PPP6R1: variants seen among roughly 807,000 people sequenced by gnomAD.
PPP6R1 encodes the protein serine/threonine-protein phosphatase 6 regulatory subunit 1.
A neutral mutation model predicts 104.6 loss-of-function variants in PPP6R1; 39 were observed. That is an observed-to-expected ratio of 0.37 (90% confidence interval 0.29 to 0.49). PPP6R1 has a LOEUF of 0.49. Among genes scored for constraint, PPP6R1 ranks in the 20% least tolerant of loss-of-function variants. The pLI, the probability that PPP6R1 is intolerant of heterozygous loss-of-function variation, is 0.98. For missense variants in PPP6R1, 1,181 were observed against 1,155.8 expected (o/e 1.02, Z -0.32); for synonymous variants, 549 against 479.0 (o/e 1.15, Z -1.91).
intron 17 of PPP6R1, 109 bp from the exon 18 acceptor site, chr19:55,232,320 G>C (rs996119478): frequency 1.4e-6 from 2 of 1,438,880 alleles, no homozygotes; most frequent in Admixed American, 5.2e-5. Flanking sequence ...TGGGATGACA[G>C]GCAGGTCACA....
At chr19:55,242,109 G>T (rs2087463674) in intron 7 of PPP6R1, 57 bp downstream of exon 7, 1 of 1,527,374 alleles carries the variant, frequency 6.5e-7, no homozygotes. Context: ...GCCTCTGAGG[G>T]GCCGGAGAGC....
chr19:55,231,964 G>A lies in PPP6R1; in HGVS notation c.2144C>T (p.Thr715Ile). 6.3e-7 allele frequency: 1 copy of A among 1,597,758 alleles called. No homozygotes were observed. The highest frequency in any genetic ancestry group is 8.6e-7 in the Non-Finnish European group (1 of 1,169,120). Residue 715 changes from threonine to isoleucine, a missense_variant, in exon 19 of 24, where the codon ACC becomes ATC. This residue lies in a region of PPP6R1 where 1,042 missense variants were observed against 955.6 expected (regional missense o/e 1.09). Transcript: ENST00000412770. ...GGCATCTGTAGGCACTGGGTCAAAGGTGGCTGTCCAGCTGGGGCCTGGGAT... is the reference window on the plus strand; with the variant it reads ...GGCATCTGTAGGCACTGGGTCAAAGATGGCTGTCCAGCTGGGGCCTGGGAT... ...PQPPGPSWTA[T>I]FDPVPTDAPT...
rs187191628 is a variant in PPP6R1 at position 55,239,801 on chromosome 19, T to C, written c.1563+25A>G. Reference sequence around the variant, plus strand: ...CAAGAGAGAGAAGCAGCAGGAGGAGTGCAGGAAGAGAAGCTGGGCCTCACC... The same window carrying C: ...CAAGAGAGAGAAGCAGCAGGAGGAGCGCAGGAAGAGAAGCTGGGCCTCACC... On this transcript the variant is annotated intron_variant, in intron 13 of 23. Coordinates refer to ENST00000412770, the MANE Select transcript of PPP6R1 (RefSeq NM_014931.4). 463 of 1,609,642 alleles carry C rather than the reference T, an allele frequency of 2.9e-4. No homozygotes were observed. The East Asian group carries it at 4.3e-3, about 15-fold the overall frequency.
intron 5 of PPP6R1, 87 bp from the exon 6 acceptor site, chr19:55,242,575 C>A: frequency 8.7e-7 from 1 of 1,155,214 alleles, no homozygotes; most frequent in South Asian, 1.3e-5. Flanking sequence ...CATGAGCTGA[C>A]CATCCAGGGA....
At chr19:55,244,769 G>T (rs1175548601) in intron 5 of PPP6R1, among the ~76,000 whole-genome samples, 3 of 150,380 alleles carry the variant, frequency 2.0e-5, no homozygotes, top group Non-Finnish European at 4.4e-5. Flanking sequence ...TTTTGAGACA[G>T]GGTCTCACTG....
At position 55,246,980 on chromosome 19, in the gene PPP6R1, G is replaced by A. The variant is rs1045165828; in HGVS notation, c.124C>T (p.Arg42Cys). The change falls in exon 2 of 24, where the codon CGC becomes TGC. Residue 42 changes from arginine (R) to cysteine (C), a missense_variant. Physicochemically the swap from Arg to Cys is radical, Grantham distance 180 (BLOSUM62 -3). This residue lies in a region of PPP6R1 where 139 missense variants were observed against 200.1 expected (regional missense o/e 0.69). Coordinates refer to ENST00000412770, the MANE Select transcript of PPP6R1 (RefSeq NM_014931.4). Reference protein sequence around the residue: ...DVLQECKVVNRKLLDFLLQPP... With the variant: ...DVLQECKVVNCKLLDFLLQPP... ...TGCAGCAGGAAGTCCAGCAGCTTGC[G>A]GTTGACGACCTTGCACTCCTGCAGC... 6.2e-6 allele frequency: 10 copies of A among 1,613,778 alleles called. No individual in the cohort carries two copies. Among genetic ancestry groups the A allele is most frequent in the African/African-American group, 4.0e-5 (3 of 74,924 alleles).
chr19:55,237,499 C>G (rs771778678), intron 15 of PPP6R1, among the ~76,000 whole-genome samples: 4 of 152,178 alleles, frequency 2.6e-5, no homozygotes, highest in Admixed American at 6.5e-5. Flanking sequence ...CAGGGCCCCA[C>G]CTCCCTCACC....
chr19:55,239,303 G>A (rs1399777761), intron 15 of PPP6R1, 102 bp downstream of exon 15: 2 of 1,203,188 alleles, frequency 1.7e-6, no homozygotes, highest in Non-Finnish European at 2.4e-6. Flanking sequence ...TGCAGGCTGA[G>A]CCCACAGGGC....
intron 1 of PPP6R1, among the ~76,000 whole-genome samples, chr19:55,251,832 A>G (rs2087555949): frequency 6.6e-6 from 1 of 152,126 alleles, no homozygotes; most frequent in Non-Finnish European, 1.5e-5. Flanking sequence ...ATCTGGGTGT[A>G]CCTGGGACCA....
At position 55,231,919 on chromosome 19, in the gene PPP6R1, G is replaced by A. The variant is rs554583303; in HGVS notation, c.2189C>T (p.Ser730Phe). The A allele has an allele frequency of 2.5e-5, 39 of 1,553,544 alleles. No homozygotes were observed. The highest frequency in any genetic ancestry group is 1.1e-4 in the African/African-American group (8 of 73,618). The change falls in exon 19 of 24, where the codon TCC becomes TTC. Residue 730 changes from serine to phenylalanine, a missense_variant. Coordinates refer to ENST00000412770, the MANE Select transcript of PPP6R1 (RefSeq NM_014931.4). Reference protein sequence around the residue: ...PTDAPTSPRVSGEEELHTGPP... With the variant: ...PTDAPTSPRVFGEEELHTGPP... ...CCCAGTGTGCAGCTCTTCCTCCCCG[G>A]AGACTCGGGGGCTGGTCGGGGCATC...
At position 55,231,490 on chromosome 19, in the gene PPP6R1, G is replaced by C. The variant is rs748320739; in HGVS notation, c.2379C>G (p.Ala793=). The C allele has an allele frequency of 6.2e-7, 1 of 1,606,432 alleles. No homozygotes were observed. Among genetic ancestry groups the C allele is most frequent in the African/African-American group, 1.3e-5 (1 of 74,772 alleles). The change falls in exon 21 of 24, where the codon GCC becomes GCG. Residue 793 remains alanine, a splice_region_variant and synonymous_variant. Coordinates refer to ENST00000412770, the MANE Select transcript of PPP6R1 (RefSeq NM_014931.4). Reference sequence around the variant, plus strand: ...CGATGCTAACCAAGGCCTGGCAAGGGGCTGTGGGGGATAAGAGATCTCAGC... The same window carrying C: ...CGATGCTAACCAAGGCCTGGCAAGGCGCTGTGGGGGATAAGAGATCTCAGC... ...TEGSKVTEPS[A]PCQALVSIGD... is the part of the protein sequence containing the mutation.
At chr19:55,235,058 T>C (rs1337292157) in intron 17 of PPP6R1, among the ~76,000 whole-genome samples, 1 of 152,118 alleles carries the variant, frequency 6.6e-6, no homozygotes, top group East Asian at 1.9e-4. Context: ...GCATGTTACA[T>C]GTCAATAAAA....
intron 1 of PPP6R1, among the ~76,000 whole-genome samples, chr19:55,250,010 C>G (rs996523363): frequency 3.4e-4 from 52 of 152,214 alleles, no homozygotes; most frequent in Admixed American, 3.3e-3. Flanking sequence ...GTGCCCCATG[C>G]CACCTCGCCA....
chr19:55,234,098 C>T (rs981057919), intron 17 of PPP6R1, among the ~76,000 whole-genome samples: 10 of 152,166 alleles, frequency 6.6e-5, no homozygotes, highest in Non-Finnish European at 1.2e-4. Context: ...TACAGGCACC[C>T]ACCACAGCCG....
Position 55,239,556 on chromosome 19 carries a change from GCATAGCCCAGCACAGCCCCA to G in PPP6R1, c.1653+18_1653+37del, listed in dbSNP as rs759958800. On this transcript the variant is annotated intron_variant, in intron 14 of 23. Coordinates refer to ENST00000412770, the MANE Select transcript of PPP6R1 (RefSeq NM_014931.4). ...GGGAGTTGGGCAGGACCCCACTCCA[GCATAGCCCAGCACAGCCCCA>G]CATAGCCCCACGCCCACCTGCTGCA... The G allele has an allele frequency of 6.8e-6, 11 of 1,609,004 alleles. No individual in the cohort carries two copies. The Admixed American group carries it at 1.8e-4, about 27-fold the overall frequency.
rs2087612649 is a variant in PPP6R1, at chr19:55,258,485, C to A, written c.-57G>T. 1.3e-5 allele frequency: 2 copies of A among 149,822 alleles called. No individual in the cohort carries two copies. Among genetic ancestry groups the A allele is most frequent in the East Asian group, 2.0e-4 (1 of 5,074 alleles). 9.3% of individuals were successfully genotyped at this position (149,822 alleles called of 1,614,324 possible). The stretch of plus-strand genomic sequence containing the variant: ...GCACTCGGGGCTCATCGGGGCGCCC[C>A]CCCCCGCCCCGCCGCCGGCGGCTCC... On this transcript the variant is annotated 5_prime_UTR_variant, in exon 1 of 24. Transcript: ENST00000412770.
Position 55,245,045 on chromosome 19 carries a change from C to T in PPP6R1, c.618+75G>A. On this transcript the variant is annotated intron_variant, in intron 5 of 23. Transcript: ENST00000412770. The surrounding 1 kb of genome is among the most constrained non-coding windows in gnomAD (Gnocchi z 6.4). ...GAGCCACTGCGTCCAGCCCCAATTC[C>T]TCTTTTAAAAGTGGGGAAGTGGGCA... 1.3e-6 allele frequency: 2 copies of T among 1,566,054 alleles called. No individual in the cohort carries two copies. Among genetic ancestry groups the T allele is most frequent in the African/African-American group, 1.4e-5 (1 of 74,058 alleles).
chr19:55,232,117 C>G lies in PPP6R1; in HGVS notation c.2083G>C (p.Ala695Pro), dbSNP rs371596407. The change falls in exon 18 of 24, where the codon GCC becomes CCC. Residue 695 changes from alanine (A) to proline (P), a missense_variant. By Grantham distance (27) the Ala-to-Pro change is conservative (BLOSUM62 -1). Transcript: ENST00000412770. ...GGGCTGGGGTAGGACAGAGGGGTGG[C>G]CCCTCCACGGGCTGCACAGCCAATG... The part of the protein sequence containing the change: ...EGIGCAARGG[A>P]TPLSYPSPGP... 1.2e-6 allele frequency: 2 copies of G among 1,602,934 alleles called. No homozygotes were observed. Among genetic ancestry groups the G allele is most frequent in the Non-Finnish European group, 1.7e-6 (2 of 1,174,898 alleles).
chr19:55,240,516 C>CACACACACACAT (rs757633308), intron 10 of PPP6R1, among the ~76,000 whole-genome samples: 30 of 91,608 alleles, frequency 3.3e-4, no homozygotes, highest in African/African-American at 3.2e-3. Context: ...GTGGTGCATA[C>CACACACACACAT]ACACACACAC....
Sources: gnomAD v4.1 joint callset for allele counts (sites outside exome capture counted in the v4.1 genomes callset) on GRCh38, gnomAD v4.1.1 for gene constraint, gnomAD v4.1.1 regional missense constraint, Gnocchi (gnomAD v3.1) non-coding constraint, MANE v1.5 for transcripts, NCBI Gene and HGNC (gene_info 2026-07-23, HGNC 2026-07-21) for gene names.